NTM: variants seen among roughly 807,000 people sequenced by gnomAD.
NTM encodes the protein neurotrimin.
In NTM, 13 loss-of-function variants were observed where a neutral mutation model predicts 42.1. The observed-to-expected ratio is 0.31, with a 90% CI of 0.20 to 0.49. The LOEUF (loss-of-function observed/expected upper bound fraction) is 0.49. NTM is among the 20% of genes least tolerant of loss of function. The pLI is 0.99. For synonymous variants in NTM, 187 were observed against 179.2 expected (o/e 1.04, Z -0.35); for missense variants, 373 against 452.8 (o/e 0.82, Z 1.60).
At chr11:131,513,755 G>T (rs1565586247) in intron 1 of NTM, among the ~76,000 whole-genome samples, 1 of 152,216 alleles carries the variant, frequency 6.6e-6, no homozygotes, top group Non-Finnish European at 1.5e-5. Context: ...GTCCTTGGGA[G>T]CTGAAAATAT....
intron 1 of NTM, among the ~76,000 whole-genome samples, chr11:131,729,595 C>T (rs548518988): frequency 2.2e-4 from 33 of 152,256 alleles, no homozygotes; most frequent in Admixed American, 1.2e-3. Flanking sequence ...TCCCATTCCC[C>T]GTCCTCCCAG....
intron 1 of NTM, among the ~76,000 whole-genome samples, chr11:131,813,584 A>G (rs2092826875): frequency 1.3e-5 from 2 of 152,242 alleles, no homozygotes; most frequent in Admixed American, 1.3e-4. Flanking sequence ...ACTTTTCCAT[A>G]GGTAGATGTT....
intron 4 of NTM, 24 bp from the exon 5 acceptor site, chr11:132,307,665 C>T (rs1472413424): frequency 1.2e-6 from 2 of 1,612,800 alleles, no homozygotes; most frequent in Non-Finnish European, 8.5e-7. Context: ...TGTATTTCAC[C>T]ACACGTTACC....
intron 1 of NTM, among the ~76,000 whole-genome samples, chr11:131,411,949 G>A (rs1227345183): frequency 6.6e-6 from 1 of 152,152 alleles, no homozygotes; most frequent in Non-Finnish European, 1.5e-5. Context: ...TGCATGGTTA[G>A]ATGAGAAAAC....
chr11:131,501,308 G>A (rs433443), intron 1 of NTM, among the ~76,000 whole-genome samples: 50,565 of 151,980 alleles, frequency 0.33, 8,622 homozygotes, highest in African/African-American at 0.38. Context: ...GGAGGCGATA[G>A]CTGTTGGTAG....
Position 131,802,449 on chromosome 11 carries a change from TG to T in NTM, c.83-109112del, listed in dbSNP as rs557654541. Among the ~76,000 whole-genome samples the T allele has an allele frequency of 4.8e-4, 73 of 152,360 alleles. 1 individual carries two copies. Among genetic ancestry groups the T allele is most frequent in the African/African-American group, 1.6e-3 (68 of 41,588 alleles). On this transcript the variant is annotated intron_variant, in intron 1 of 8. Coordinates refer to ENST00000683400, the MANE Select transcript of NTM (RefSeq NM_001352005.2). ...CCTCCAACTCTGCACCCACCACGCT[TG>T]GGCTGCCTTCAGGTAGGAGGGCACA...
chr11:131,789,621 AGAAGAAGAAGAAGAAAAG>A (rs2090430939), intron 1 of NTM, among the ~76,000 whole-genome samples: 2 of 87,720 alleles, frequency 2.3e-5, no homozygotes, highest in Non-Finnish European at 4.6e-5. Flanking sequence ...AAGAAGAAGA[AGAAGAAGAAGAAGAAAAG>A]AAGAAGAAGA....
At chr11:132,042,387 C>G (rs2135794644) in intron 2 of NTM, among the ~76,000 whole-genome samples, 1 of 152,262 alleles carries the variant, frequency 6.6e-6, no homozygotes, top group African/African-American at 2.4e-5. Flanking sequence ...TTTGTATGGG[C>G]TCCAGATGTG....
chr11:132,316,508 A>G (rs919934111), intron 7 of NTM, among the ~76,000 whole-genome samples: 4 of 152,186 alleles, frequency 2.6e-5, no homozygotes, highest in Admixed American at 2.6e-4. Flanking sequence ...TATGTATTCA[A>G]ATATGTTTAG....
At chr11:131,848,400 A>C (rs1268813416) in intron 1 of NTM, among the ~76,000 whole-genome samples, 1 of 152,192 alleles carries the variant, frequency 6.6e-6, no homozygotes, top group African/African-American at 2.4e-5. Flanking sequence ...GCCATTTGGA[A>C]TGCTTTTCAT....
chr11:132,140,347 T>G (rs1297658433), intron 2 of NTM, among the ~76,000 whole-genome samples: 1 of 152,196 alleles, frequency 6.6e-6, no homozygotes, highest in African/African-American at 2.4e-5. Context: ...TCCTTTCACC[T>G]GTATCATAAG....
chr11:132,310,449 C>G (rs1374401092), intron 6 of NTM, among the ~76,000 whole-genome samples: 1 of 152,188 alleles, frequency 6.6e-6, no homozygotes, highest in African/African-American at 2.4e-5. Context: ...GGCCAACCAA[C>G]AGATCTGAAA....
intron 2 of NTM, among the ~76,000 whole-genome samples, chr11:131,994,286 T>C (rs1238975440): frequency 6.6e-6 from 1 of 152,166 alleles, no homozygotes; most frequent in East Asian, 1.9e-4. Context: ...GAGTAAACAT[T>C]CTGAGGGGTG....
chr11:131,453,723 C>G (rs940714763), intron 1 of NTM, among the ~76,000 whole-genome samples: 1 of 152,202 alleles, frequency 6.6e-6, no homozygotes, highest in Admixed American at 6.5e-5. Flanking sequence ...TCAGCTTCCA[C>G]GTCCATATGG....
intron 1 of NTM, among the ~76,000 whole-genome samples, chr11:131,614,854 C>T (rs2061771110): frequency 6.6e-6 from 1 of 152,200 alleles, no homozygotes; most frequent in Non-Finnish European, 1.5e-5. Flanking sequence ...ACTGGAGATG[C>T]CTCCCTCACG....
chr11:132,211,921 C>A (rs2082912524), intron 3 of NTM, 101 bp from the exon 4 acceptor site: 3 of 1,051,222 alleles, frequency 2.9e-6, no homozygotes, highest in Non-Finnish European at 4.0e-6. Context: ...TACTGTAGTC[C>A]ATATATTTTA....
chr11:131,789,182 G>A (rs1002995547), intron 1 of NTM, among the ~76,000 whole-genome samples: 1 of 151,686 alleles, frequency 6.6e-6, no homozygotes, highest in Non-Finnish European at 1.5e-5. Context: ...CTGTGTTGCC[G>A]ATGATTCTAT....
rs557842979 is a variant in NTM, at chr11:131,608,305, A to G, written c.82+237417A>G. On this transcript the variant is annotated intron_variant, in intron 1 of 8. Coordinates refer to ENST00000683400, the MANE Select transcript of NTM (RefSeq NM_001352005.2). ...TTAATCCAGTCTACCATCGTTGGACATTTGGGTTACATTTTTGAATGAGTG... is the reference window on the plus strand; with the variant it reads ...TTAATCCAGTCTACCATCGTTGGACGTTTGGGTTACATTTTTGAATGAGTG... 1.4e-4 allele frequency among the ~76,000 whole-genome samples: 22 copies of G among 152,240 alleles called. No homozygotes were observed. The South Asian group carries it at 4.6e-3, about 32-fold the overall frequency.
intron 1 of NTM, among the ~76,000 whole-genome samples, chr11:131,488,883 G>A (rs117597304): frequency 0.014 from 2,080 of 152,264 alleles, 17 homozygotes; most frequent in Non-Finnish European, 0.024. Context: ...TAATACAAGC[G>A]CAGGATATTT....
Sources: allele counts gnomAD v4.1 joint callset (sites outside exome capture counted in the v4.1 genomes callset), GRCh38; gene constraint gnomAD v4.1.1; transcripts MANE v1.5; gene names NCBI Gene and HGNC (gene_info 2026-07-23, HGNC 2026-07-21).